The following TMEM164 variants were observed in gnomAD, a reference collection of about 807,000 sequenced individuals.
The protein encoded by TMEM164 is RP13-360B22.2.
A neutral mutation model predicts 18.8 loss-of-function variants in TMEM164; 4 were observed. The observed-to-expected ratio is 0.21, with a 90% CI of 0.10 to 0.49. TMEM164 has a LOEUF of 0.49. Ranked by LOEUF, TMEM164 falls within the 20% of genes least tolerant of loss-of-function variation. The pLI is 0.98. For missense variants in TMEM164, 108 were observed against 239.9 expected, an observed-to-expected ratio of 0.45 and a Z score of 3.63; for synonymous variants, 86 against 101.7, an observed-to-expected ratio of 0.85 and a Z score of 0.93.
At chrX:110,143,804 G>GGTGTGTGTGTGTGTGTGT (rs759024255) in intron 4 of TMEM164, among the ~76,000 whole-genome samples, 21 of 103,076 alleles carry the variant, frequency 2.0e-4, no homozygotes, top group African/African-American at 7.1e-4. Context: ...CATACTTTGG[G>GGTGTGTGTGTGTGTGTGT]GTGTGTGTGT....
rs753985858 is a variant in TMEM164, at chrX:110,085,255, G to T, written c.440+17859G>T. ...AGCTCATGGAATCCTCAAACTCCTG[G>T]GCTCAAGTGTTCCTCTCACCTCTGA... On this transcript the variant is annotated intron_variant, in intron 3 of 6. Coordinates refer to ENST00000372068, the MANE Select transcript of TMEM164 (RefSeq NM_032227.4). Among the ~76,000 whole-genome samples, 5 of 105,159 alleles carry T rather than the reference G, an allele frequency of 4.8e-5. No individual in the cohort carries two copies. The East Asian group carries it at 1.2e-3, about 25-fold the overall frequency. The allele number at this position is 105,159 out of a possible 115,157, so 91.3% of individuals were successfully genotyped here. A position where few individuals can be genotyped will look rare whatever the true frequency, so the allele number is the denominator to read the frequency against.
intron 2 of TMEM164, among the ~76,000 whole-genome samples, chrX:110,013,794 T>A (rs757028222): frequency 9.2e-4 from 103 of 112,174 alleles, no homozygotes; most frequent in Non-Finnish European, 1.5e-3. Flanking sequence ...AATAAAATAA[T>A]TTAAATCAAG....
downstream of TMEM164, among the ~76,000 whole-genome samples, chrX:110,180,492 C>T (rs778842787): frequency 4.8e-5 from 5 of 104,601 alleles, no homozygotes; most frequent in Non-Finnish European, 9.5e-5. Context: ...TGAACCCCCC[C>T]GCCCCGCCCA....
chrX:110,130,700 G>A (rs1272127461), intron 4 of TMEM164, among the ~76,000 whole-genome samples: 14 of 106,799 alleles, frequency 1.3e-4, no homozygotes, highest in Non-Finnish European at 2.7e-4. Context: ...TTTTTTTAGG[G>A]AAATATATTA....
chrX:110,133,341 G>A (rs777113898), intron 4 of TMEM164, among the ~76,000 whole-genome samples: 33 of 111,031 alleles, frequency 3.0e-4, no homozygotes, highest in Admixed American at 8.6e-4. Context: ...AGTAGAGACA[G>A]GGTTTCACCA....
chrX:110,147,869 A>G (rs981562032), intron 5 of TMEM164, among the ~76,000 whole-genome samples: 2 of 110,033 alleles, frequency 1.8e-5, no homozygotes, highest in Admixed American at 9.8e-5. Flanking sequence ...AACTCCTGTT[A>G]TGTTCTTTCT....
chrX:110,096,494 G>A (rs1017583039), intron 3 of TMEM164, among the ~76,000 whole-genome samples: 1 of 112,879 alleles, frequency 8.9e-6, no homozygotes, highest in Non-Finnish European at 1.9e-5. Context: ...GGCCAGGTGC[G>A]AGATATAATC....
At chrX:110,080,221 A>T (rs957521285) in intron 3 of TMEM164, among the ~76,000 whole-genome samples, 2 of 111,890 alleles carry the variant, frequency 1.8e-5, no homozygotes, top group Non-Finnish European at 3.8e-5. Flanking sequence ...ACATGTTAGA[A>T]TAAGTTAGCA....
intron 2 of TMEM164, among the ~76,000 whole-genome samples, chrX:110,065,798 T>C (rs1056578595): frequency 8.9e-6 from 1 of 111,965 alleles, no homozygotes; most frequent in African/African-American, 3.3e-5. Context: ...AATACATTAT[T>C]ATTTTTATGG....
At chrX:110,034,580 C>A (rs1041487782) in intron 2 of TMEM164, among the ~76,000 whole-genome samples, 14 of 111,676 alleles carry the variant, frequency 1.3e-4, no homozygotes, top group African/African-American at 4.6e-4. Flanking sequence ...GTCAGTGGGC[C>A]ACGTTTGGTT....
intron 3 of TMEM164, among the ~76,000 whole-genome samples, chrX:110,096,951 G>A (rs2066031091): frequency 9.0e-6 from 1 of 111,541 alleles, no homozygotes; most frequent in South Asian, 3.7e-4. Context: ...TAGATCCAGG[G>A]GTTTATAGAA....
intron 4 of TMEM164, among the ~76,000 whole-genome samples, chrX:110,131,702 T>C (rs756717280): frequency 1.8e-5 from 2 of 111,985 alleles, no homozygotes; most frequent in Non-Finnish European, 3.8e-5. Context: ...TCTCTTTGAT[T>C]AATTAGACTT....
intron 5 of TMEM164, among the ~76,000 whole-genome samples, chrX:110,157,671 GGAA>G: frequency 9.0e-6 from 1 of 111,588 alleles, no homozygotes; most frequent in East Asian, 2.8e-4. Flanking sequence ...TGTGGGAAAT[GGAA>G]GAAGGAGATA....
At chrX:110,036,468 G>C (rs773537181) in intron 2 of TMEM164, among the ~76,000 whole-genome samples, 2 of 112,320 alleles carry the variant, frequency 1.8e-5, no homozygotes, top group Non-Finnish European at 3.8e-5. Flanking sequence ...ACTGGGTAAT[G>C]TTATCTTTGC....
rs367652272 is a variant in TMEM164, at chrX:110,067,370, A to C, written c.414A>C (p.Pro138=). ...AGATCTTTCTCCTGGCCTGCCCTCC[A>C]TGTCGGGGAGCTATCGTCGTCTTCA... The part of the protein sequence containing the change: ...MMHIFLLACP[P]CRGAIVVFKL... Residue 138 remains proline (P), a synonymous_variant, in exon 3 of 7, where the codon CCA becomes CCC. Coordinates refer to ENST00000372068, the MANE Select transcript of TMEM164 (RefSeq NM_032227.4). 2 of 1,209,576 alleles carry C rather than the reference A, an allele frequency of 1.7e-6. No homozygotes were observed. The highest frequency in any genetic ancestry group is 2.2e-6 in the Non-Finnish European group (2 of 895,002).
intron 5 of TMEM164, among the ~76,000 whole-genome samples, chrX:110,156,999 C>T (rs1205033124): frequency 9.0e-6 from 1 of 111,623 alleles, no homozygotes; most frequent in Non-Finnish European, 1.9e-5. Context: ...GGTTGAGATG[C>T]CCAGGAAGCA....
At chrX:110,067,296 C>T in intron 2 of TMEM164, 51 bp from the exon 3 acceptor site, 1 of 1,124,957 alleles carries the variant, frequency 8.9e-7, no homozygotes, top group Non-Finnish European at 1.2e-6. Context: ...TTGTCTCACT[C>T]TGTCTGGCAT....
chrX:110,049,759 C>T (rs1935469846), intron 2 of TMEM164, among the ~76,000 whole-genome samples: 1 of 111,668 alleles, frequency 9.0e-6, no homozygotes, highest in Non-Finnish European at 1.9e-5. Flanking sequence ...GAAAGCAGTG[C>T]TTTTCCATGT....
At chrX:110,107,013 A>G (rs1246666992) in intron 3 of TMEM164, among the ~76,000 whole-genome samples, 1 of 111,982 alleles carries the variant, frequency 8.9e-6, no homozygotes, top group Non-Finnish European at 1.9e-5. Context: ...ATTAACCTGA[A>G]GGAGTGTGAT....
Sources: gnomAD v4.1 joint callset for allele counts (sites outside exome capture counted in the v4.1 genomes callset) on GRCh38, gnomAD v4.1.1 for gene constraint, MANE v1.5 for transcripts, NCBI Gene and HGNC (gene_info 2026-07-23, HGNC 2026-07-21) for gene names.